CCDC57: variants seen among roughly 807,000 people sequenced by gnomAD.
The protein encoded by CCDC57 is coiled-coil domain-containing protein 57.
In CCDC57, 118 loss-of-function variants were observed where a neutral mutation model predicts 118.9. The observed-to-expected ratio is 0.99, with a 90% CI of 0.86 to 1.16. The LOEUF is 1.16. Ranked by LOEUF, CCDC57 falls within the 50% of genes most tolerant of loss-of-function variation. CCDC57 has a pLI of 0.00. For missense variants in CCDC57, 1,300 were observed against 1,320.7 expected (o/e 0.98, Z 0.24); for synonymous variants, 527 against 532.9 (o/e 0.99, Z 0.15).
chr17:82,178,350 G>A, intron 11 of CCDC57, 124 bp downstream of exon 10: 2 of 1,139,434 alleles, frequency 1.8e-6, no homozygotes, highest in Non-Finnish European at 2.4e-6. Context: ...TTGTGCAACA[G>A]GTCATTTAAA....
At chr17:82,185,355 T>C (rs1284447150) in intron 8 of CCDC57, among the ~76,000 whole-genome samples, 5 of 152,236 alleles carry the variant, frequency 3.3e-5, no homozygotes, top group Non-Finnish European at 1.5e-5. Flanking sequence ...TGGTGGCTCA[T>C]GCCTGTAATG....
intron 4 of CCDC57, among the ~76,000 whole-genome samples, chr17:82,196,557 C>T (rs1468989456): frequency 6.6e-6 from 1 of 152,172 alleles, no homozygotes; most frequent in Non-Finnish European, 1.5e-5. Context: ...CTGGCCTATC[C>T]TACTATGACC....
chr17:82,138,656 G>A (rs936714023), intron 16 of CCDC57, among the ~76,000 whole-genome samples: 1 of 146,962 alleles, frequency 6.8e-6, no homozygotes, highest in African/African-American at 2.6e-5. Context: ...CGCATGGCCT[G>A]CCCCGGGTCG....
At chr17:82,141,068 T>A (rs1429562887) in intron 16 of CCDC57, among the ~76,000 whole-genome samples, 2 of 151,982 alleles carry the variant, frequency 1.3e-5, no homozygotes, top group Non-Finnish European at 2.9e-5. Flanking sequence ...TGGAGTGCAG[T>A]GGTGTGATCT....
At chr17:82,111,328 C>T (rs545294850) in intron 19 of CCDC57, among the ~76,000 whole-genome samples, 1 of 412 alleles carries the variant, frequency 2.4e-3, no homozygotes, top group East Asian at 0.1. Flanking sequence ...GTCTCGATCT[C>T]CTGACCCTCG....
chr17:82,109,222 C>T (rs960737624), intron 19 of CCDC57, among the ~76,000 whole-genome samples: 3 of 152,230 alleles, frequency 2.0e-5, no homozygotes, highest in Non-Finnish European at 4.4e-5. Flanking sequence ...CAAGTGGCCC[C>T]AGCGCCCCGC....
chr17:82,182,318 A>T (rs2046310168), intron 9 of CCDC57, among the ~76,000 whole-genome samples: 1 of 150,908 alleles, frequency 6.6e-6, no homozygotes, highest in South Asian at 2.1e-4. Flanking sequence ...AGAGCTAAGA[A>T]CGTTATTACA....
At chr17:82,105,335 C>A (rs1319955476) in intron 19 of CCDC57, among the ~76,000 whole-genome samples, 1 of 152,172 alleles carries the variant, frequency 6.6e-6, no homozygotes, top group East Asian at 1.9e-4. Context: ...CCACAGGGGT[C>A]CTCACGCACC....
At chr17:82,138,719 G>GT (rs1300285377) in intron 16 of CCDC57, among the ~76,000 whole-genome samples, 14 of 151,672 alleles carry the variant, frequency 9.2e-5, no homozygotes, top group South Asian at 2.1e-4. Flanking sequence ...CCTGCCCCGG[G>GT]CTGTGTGTGT....
At chr17:82,147,409 T>C (rs1232793222) in intron 16 of CCDC57, among the ~76,000 whole-genome samples, 1 of 149,018 alleles carries the variant, frequency 6.7e-6, no homozygotes, top group Non-Finnish European at 1.5e-5. Context: ...AACAGATGGA[T>C]GGGTGGGTGA....
chr17:82,102,428 T>G (rs943170413), intron 19 of CCDC57, among the ~76,000 whole-genome samples: 31 of 152,266 alleles, frequency 2.0e-4, no homozygotes, highest in Non-Finnish European at 4.4e-5. Context: ...GGCTGGGGCC[T>G]AAATGCCAGA....
intron 19 of CCDC57, chr17:82,104,662 C>T (rs2034711477): frequency 6.6e-6 from 1 of 152,304 alleles, no homozygotes; most frequent in African/African-American, 2.4e-5. Flanking sequence ...CCTCAGCCTC[C>T]CGAGTAGATG....
At chr17:82,169,537 AG>A (rs919701795) in intron 13 of CCDC57, among the ~76,000 whole-genome samples, 1 of 152,064 alleles carries the variant, frequency 6.6e-6, no homozygotes, top group Non-Finnish European at 1.5e-5. Flanking sequence ...CCCTACACTA[AG>A]GGGGGCTGTG....
At chr17:82,134,182 T>C (rs2038833666) in exon 17 of CCDC57, 1 of 1,325,632 alleles carries the variant, frequency 7.5e-7, no homozygotes, top group Admixed American at 3.9e-5. Context: ...GAGGGCGTGG[T>C]GCAACAGCCA....
intron 5 of CCDC57, chr17:82,194,370 G>C (rs2146750433): frequency 2.4e-6 from 1 of 421,982 alleles, no homozygotes; most frequent in East Asian, 4.2e-5. Flanking sequence ...GAGTGCAATG[G>C]CGTGATCTCG....
rs1428708615 is a variant in CCDC57, at chr17:82,202,072, T to G, written c.-8-120A>C. ...ACGGCCGGGCACGGTGGCTCACACC[T>G]GTAATCCCAGCCCTTTGGGAGGCCG... On this transcript the variant is annotated intron_variant, in intron 2 of 19. Transcript: ENST00000665763. 59 of 1,025,590 alleles carry G rather than the reference T, an allele frequency of 5.8e-5. No homozygotes were observed. The Admixed American group carries it at 1.7e-3, about 30-fold the overall frequency. 63.5% of individuals were successfully genotyped at this position (1,025,590 alleles called of 1,614,324 possible).
intron 18 of CCDC57, 66 bp downstream of exon 17, chr17:82,128,427 A>G: frequency 8.6e-7 from 1 of 1,156,332 alleles, no homozygotes; most frequent in South Asian, 1.4e-5. Flanking sequence ...CAGAGCACCC[A>G]GGCCCCGGCT....
chr17:82,108,673 G>A (rs1461362749), intron 19 of CCDC57: 1 of 152,246 alleles, frequency 6.6e-6, no homozygotes, highest in Non-Finnish European at 1.5e-5. Context: ...AGTTCCCAGG[G>A]GTCCGCATCA....
At chr17:82,148,086 A>G (rs992454816) in intron 16 of CCDC57, among the ~76,000 whole-genome samples, 3 of 37,410 alleles carry the variant, frequency 8.0e-5, no homozygotes, top group Non-Finnish European at 1.2e-4. Flanking sequence ...AGATGGGTGG[A>G]TGGATGGATG....
Sources: gnomAD v4.1 joint callset for allele counts (sites outside exome capture counted in the v4.1 genomes callset) on GRCh38, gnomAD v4.1.1 for gene constraint, MANE v1.5 for transcripts, NCBI Gene and HGNC (gene_info 2026-07-23, HGNC 2026-07-21) for gene names.